The following SYNPR variants were observed in gnomAD, a reference collection of about 807,000 sequenced individuals.
SYNPR encodes synaptoporin.
A neutral mutation model predicts 32.9 loss-of-function variants in SYNPR; 23 were observed. The ratio of observed to expected loss-of-function variants is 0.70; its 90% CI spans 0.50 to 0.99. The LOEUF is 0.99. Ranked by LOEUF, SYNPR falls within the 50% of genes least tolerant of loss-of-function variation. The probability of loss-of-function intolerance (pLI) is 0.00; values close to 1 mark genes in which losing one functional copy is unlikely to be tolerated. For missense variants in SYNPR, 318 were observed against 349.3 expected (o/e 0.91, Z 0.71); for synonymous variants, 146 against 135.9 (o/e 1.07, Z -0.52).
intron 2 of SYNPR, among the ~76,000 whole-genome samples, chr3:63,293,561 A>T (rs1443725886): frequency 6.6e-6 from 1 of 152,218 alleles, no homozygotes; most frequent in African/African-American, 2.4e-5. Flanking sequence ...CTAGAGACTT[A>T]CAAACTAAGT....
At chr3:63,382,514 G>A (rs749292038) in intron 2 of SYNPR, among the ~76,000 whole-genome samples, 22 of 152,146 alleles carry the variant, frequency 1.4e-4, no homozygotes, top group Admixed American at 2.6e-4. Flanking sequence ...TGTTCTTTTC[G>A]TGGTGCTTTG....
At chr3:63,244,701 A>G (rs970146343) in intron 1 of SYNPR, among the ~76,000 whole-genome samples, 8 of 152,130 alleles carry the variant, frequency 5.3e-5, no homozygotes, top group Non-Finnish European at 1.2e-4. Flanking sequence ...CAAGATGGCA[A>G]CTTCATTTAG....
chr3:63,326,718 T>C (rs2087172665), intron 2 of SYNPR, among the ~76,000 whole-genome samples: 1 of 152,128 alleles, frequency 6.6e-6, no homozygotes, highest in Non-Finnish European at 1.5e-5. Flanking sequence ...TCTCTCTCTG[T>C]TAAATAGCAG....
At chr3:63,514,893 T>C (rs1379302381) in intron 3 of SYNPR, among the ~76,000 whole-genome samples, 2 of 152,098 alleles carry the variant, frequency 1.3e-5, no homozygotes, top group African/African-American at 4.8e-5. Context: ...CCTCTAAGGT[T>C]TCCCACAAAA....
chr3:63,266,431 G>A lies in SYNPR; in HGVS notation n.155-886G>A, dbSNP rs538478525. ...TAAAACAAAAATAAAGGCCGGGAGC[G>A]GTGGCTCATGCCTGTAATCCCAGCA... On this transcript the variant is annotated intron_variant and non_coding_transcript_variant, in intron 2 of 4. Coordinates refer to the SYNPR transcript ENST00000478456. 8.6e-5 allele frequency among the ~76,000 whole-genome samples: 13 copies of A among 151,844 alleles called. No individual in the cohort carries two copies. The South Asian group carries it at 1.0e-3, about 12-fold the overall frequency.
At chr3:63,357,180 C>A (rs2087594375) in intron 2 of SYNPR, among the ~76,000 whole-genome samples, 1 of 152,144 alleles carries the variant, frequency 6.6e-6, no homozygotes, top group South Asian at 2.1e-4. Context: ...ATTTGCTATC[C>A]CTGTTCATCG....
rs1700269291 is a variant in SYNPR, at chr3:63,615,682, T to G, written c.*201T>G. 3.2e-6 allele frequency: 2 copies of G among 621,558 alleles called. No individual in the cohort carries two copies. Among genetic ancestry groups the G allele is most frequent in the Non-Finnish European group, 5.3e-6 (2 of 376,708 alleles). 38.5% of individuals were successfully genotyped at this position (621,558 alleles called of 1,614,324 possible). A position where few individuals can be genotyped will look rare whatever the true frequency, so the allele number is the denominator to read the frequency against. On this transcript the variant is annotated 3_prime_UTR_variant, in exon 6 of 6. Transcript: ENST00000478300. ...TGAGGCGACATGAGGAGATATATTATTCATCATAGATGGCTAATTGGAGAG... is the reference window on the plus strand; with the variant it reads ...TGAGGCGACATGAGGAGATATATTAGTCATCATAGATGGCTAATTGGAGAG...
At chr3:63,206,043 AC>A in the SYNPR span, among the ~76,000 whole-genome samples, 2 of 152,182 alleles carry the variant, frequency 1.3e-5, no homozygotes, top group South Asian at 4.2e-4. Flanking sequence ...TCTATAGAAG[AC>A]CCTCTGTCAA....
In SYNPR at chr3:63,317,385, T is replaced by C. The variant is rs536888183; in HGVS notation, c.84+38643T>C. ...CTGTCTATCTCATTTATTGGGTCTA[T>C]TGGTAATTGCTTTATAAAGTTGGGA... On this transcript the variant is annotated intron_variant, in intron 2 of 5. Coordinates refer to ENST00000478300, the MANE Select transcript of SYNPR (RefSeq NM_001130003.2). 1.6e-4 allele frequency among the ~76,000 whole-genome samples: 24 copies of C among 152,108 alleles called. 1 individual carries two copies. The South Asian group carries it at 3.9e-3, about 25-fold the overall frequency.
At chr3:63,288,151 A>G (rs1027620203) in intron 2 of SYNPR, among the ~76,000 whole-genome samples, 1 of 152,218 alleles carries the variant, frequency 6.6e-6, no homozygotes, top group East Asian at 1.9e-4. Flanking sequence ...ACCCCAGGCA[A>G]TATCATAAGT....
intron 3 of SYNPR, among the ~76,000 whole-genome samples, chr3:63,269,304 C>A (rs71298640): frequency 0.04 from 6,155 of 152,204 alleles, 170 homozygotes; most frequent in South Asian, 0.064. Flanking sequence ...ACCTGGCCAA[C>A]AGGGTGAAAC....
At chr3:63,568,014 A>G (rs2106842806) in intron 4 of SYNPR, among the ~76,000 whole-genome samples, 1 of 152,362 alleles carries the variant, frequency 6.6e-6, no homozygotes, top group South Asian at 2.1e-4. Context: ...TTATGGGCAG[A>G]AAATAATGTA....
chr3:63,260,381 C>A (rs1288402260), intron 2 of SYNPR, among the ~76,000 whole-genome samples: 1 of 152,114 alleles, frequency 6.6e-6, no homozygotes, highest in Non-Finnish European at 1.5e-5. Context: ...AGATATAGAC[C>A]AATGGAACAG....
intron 2 of SYNPR, among the ~76,000 whole-genome samples, chr3:63,350,760 G>A (rs1279195349): frequency 6.6e-6 from 1 of 152,194 alleles, no homozygotes; most frequent in African/African-American, 2.4e-5. Context: ...ACATGTATGT[G>A]CAGGGGAGAC....
intron 3 of SYNPR, among the ~76,000 whole-genome samples, chr3:63,536,968 T>A (rs1386765296): frequency 6.6e-6 from 1 of 152,084 alleles, no homozygotes; most frequent in African/African-American, 2.4e-5. Flanking sequence ...CGACTGCTAA[T>A]AGGTATGAGG....
At chr3:63,335,164 C>T (rs2087273900) in intron 2 of SYNPR, among the ~76,000 whole-genome samples, 1 of 152,078 alleles carries the variant, frequency 6.6e-6, no homozygotes, top group Admixed American at 6.5e-5. Context: ...ACCATCCTGG[C>T]TAACACGGTG....
intron 3 of SYNPR, among the ~76,000 whole-genome samples, chr3:63,546,643 T>C (rs1388227783): frequency 6.6e-6 from 1 of 151,698 alleles, no homozygotes; most frequent in Non-Finnish European, 1.5e-5. Context: ...TTACCCTCCT[T>C]AAAATAAAAA....
intron 1 of SYNPR, among the ~76,000 whole-genome samples, chr3:63,249,518 G>C (rs890130957): frequency 6.6e-6 from 1 of 152,108 alleles, no homozygotes; most frequent in Non-Finnish European, 1.5e-5. Context: ...AAAGGTATAA[G>C]AATAATACAA....
At chr3:63,234,227 T>C (rs1019914982) in intron 1 of SYNPR, among the ~76,000 whole-genome samples, 6 of 152,122 alleles carry the variant, frequency 3.9e-5, no homozygotes, top group Non-Finnish European at 5.9e-5. Flanking sequence ...AACTCCTCCT[T>C]ATAAAAACAT....
Sources: gnomAD v4.1 joint callset for allele counts (sites outside exome capture counted in the v4.1 genomes callset) on GRCh38, gnomAD v4.1.1 for gene constraint, MANE v1.5 for transcripts, NCBI Gene and HGNC (gene_info 2026-07-23, HGNC 2026-07-21) for gene names.